CTBP2: variants seen among roughly 807,000 people sequenced by gnomAD.
The protein encoded by CTBP2 is C-terminal binding protein 2, also known as C-terminal-binding protein 2.
CTBP2 carries 30 observed loss-of-function variants against 80.3 expected under a neutral mutation model. The ratio of observed to expected loss-of-function variants is 0.37; its 90% confidence interval spans 0.28 to 0.51. The LOEUF (loss-of-function observed/expected upper bound fraction) is 0.51. Among genes scored for constraint, CTBP2 ranks in the 20% least tolerant of loss-of-function variants. CTBP2 has a pLI of 0.93. For synonymous variants in CTBP2, 594 were observed against 587.4 expected, an observed-to-expected ratio of 1.01 and a Z score of -0.16; for missense variants, 1,212 against 1,375.3, an observed-to-expected ratio of 0.88 and a Z score of 1.88.
chr10:125,109,640 T>A (rs1371855411), intron 2 of CTBP2, among the ~76,000 whole-genome samples: 1 of 152,236 alleles, frequency 6.6e-6, no homozygotes, highest in African/African-American at 2.4e-5. Context: ...CAAAGATGAC[T>A]GAGGGGCCCC....
intron 1 of CTBP2, among the ~76,000 whole-genome samples, chr10:125,016,183 C>T (rs1956465523): frequency 6.6e-6 from 1 of 152,222 alleles, no homozygotes; most frequent in Non-Finnish European, 1.5e-5. Flanking sequence ...TCCCAGTGCC[C>T]CAAGGGACTT....
chr10:125,119,438 A>C (rs1853936420), intron 1 of CTBP2, among the ~76,000 whole-genome samples: 1 of 152,226 alleles, frequency 6.6e-6, no homozygotes, highest in South Asian at 2.1e-4. Flanking sequence ...GCTGGAAACC[A>C]GAGTAGGATA....
At chr10:125,007,251 TC>T (rs2134342448) in intron 1 of CTBP2, among the ~76,000 whole-genome samples, 1 of 152,352 alleles carries the variant, frequency 6.6e-6, no homozygotes, top group East Asian at 1.9e-4. Context: ...TCCCCTGGTA[TC>T]AATTACTATC....
chr10:124,986,986 A>C lies in CTBP2; in HGVS notation c.*2532T>G, dbSNP rs1412851509. On this transcript the variant is annotated 3_prime_UTR_variant, in exon 9 of 9. Coordinates refer to ENST00000309035, the MANE Select transcript of CTBP2 (RefSeq NM_022802.3). ...CTCTATTATTTATTTATTTATTATC[A>C]ATCAGTGACCCTGACCACATAGTGT... 2 of 150,308 alleles carry C rather than the reference A, an allele frequency of 1.3e-5. No homozygotes were observed. Among genetic ancestry groups the C allele is most frequent in the African/African-American group, 5.1e-5 (2 of 39,368 alleles). The allele number at this position is 150,308 out of a possible 1,614,324, so 9.3% of individuals were successfully genotyped here.
chr10:125,007,309 C>T (rs1319294592), intron 1 of CTBP2, among the ~76,000 whole-genome samples: 2 of 152,250 alleles, frequency 1.3e-5, no homozygotes, highest in East Asian at 1.9e-4. Flanking sequence ...CCCCTCCGTC[C>T]GGGATGTGCT....
intron 1 of CTBP2, among the ~76,000 whole-genome samples, chr10:125,023,491 G>A (rs114101150): frequency 0.019 from 2,880 of 152,302 alleles, 94 homozygotes; most frequent in African/African-American, 0.065. Flanking sequence ...CGCAGCCACC[G>A]CCGGAGGGCT....
At chr10:124,990,080 CG>C (rs1952398839) in intron 8 of CTBP2, among the ~76,000 whole-genome samples, 1 of 147,646 alleles carries the variant, frequency 6.8e-6, no homozygotes, top group African/African-American at 2.5e-5. Flanking sequence ...CTCACTCTGT[CG>C]CCAGTCTGGA....
intron 1 of CTBP2, among the ~76,000 whole-genome samples, chr10:125,019,974 G>A (rs532749981): frequency 1.3e-5 from 2 of 152,190 alleles, no homozygotes; most frequent in African/African-American, 4.8e-5. Flanking sequence ...TGTGACTTGT[G>A]GAGCCCCAGG....
chr10:125,027,543 C>G lies in CTBP2; in HGVS notation c.217G>C (p.Glu73Gln). ...GCAGCCACTGAGTTATAAACGGCCT[C>G]CCGGTACAGGTAGGGCTCGGCGGCC... Residue 73 changes from glutamate to glutamine, a missense_variant, in exon 1 of 9, where the codon GAG becomes CAG. By Grantham distance (29) the Glu-to-Gln change is conservative. Transcript: ENST00000309035. The G allele has an allele frequency of 1.2e-6, 2 of 1,614,156 alleles. No homozygotes were observed. Among genetic ancestry groups the G allele is most frequent in the Non-Finnish European group, 1.7e-6 (2 of 1,180,026 alleles).
chr10:125,033,639 G>A (rs1958508622), intron 3 of CTBP2, among the ~76,000 whole-genome samples: 1 of 152,150 alleles, frequency 6.6e-6, no homozygotes, highest in African/African-American at 2.4e-5. Flanking sequence ...CTACCCTGGG[G>A]CCTCCTCCAA....
At chr10:125,029,310 C>A (rs560599976), upstream of CTBP2, among the ~76,000 whole-genome samples, 1 of 147,848 alleles carries the variant, frequency 6.8e-6, no homozygotes, top group African/African-American at 2.5e-5. Context: ...GGCGCGATCT[C>A]GGCTCACTGC....
At chr10:125,050,876 A>G (rs1185231759) in intron 2 of CTBP2, among the ~76,000 whole-genome samples, 1 of 152,166 alleles carries the variant, frequency 6.6e-6, no homozygotes, top group Non-Finnish European at 1.5e-5. Flanking sequence ...GAGAACTGCA[A>G]CCTTGTCATA....
chr10:125,023,857 A>C (rs1469487171), intron 1 of CTBP2, among the ~76,000 whole-genome samples: 6 of 152,204 alleles, frequency 3.9e-5, no homozygotes, highest in African/African-American at 1.4e-4. Context: ...ACCCCACTAT[A>C]AGCAGTGCAA....
chr10:125,114,375 C>T (rs1418159880), intron 1 of CTBP2, among the ~76,000 whole-genome samples: 2 of 152,102 alleles, frequency 1.3e-5, no homozygotes, highest in Non-Finnish European at 2.9e-5. Flanking sequence ...GGTGTGTACT[C>T]TCACACATCC....
intron 2 of CTBP2, among the ~76,000 whole-genome samples, chr10:125,087,054 G>C (rs1448823650): frequency 2.0e-5 from 3 of 150,516 alleles, no homozygotes; most frequent in African/African-American, 7.4e-5. Flanking sequence ...ACCTTGAAAG[G>C]AAAATTTGGG....
At chr10:125,074,553 C>G (rs997121402) in intron 2 of CTBP2, among the ~76,000 whole-genome samples, 1 of 152,146 alleles carries the variant, frequency 6.6e-6, no homozygotes, top group South Asian at 2.1e-4. Context: ...GGGGTTTCAC[C>G]GTGGCTGGTC....
chr10:125,100,548 T>G (rs1222212509), intron 2 of CTBP2: 1 of 152,224 alleles, frequency 6.6e-6, no homozygotes, highest in Non-Finnish European at 1.5e-5. Context: ...TTTAATTTAA[T>G]TTTTAAACAA....
rs202201089 is a variant in CTBP2, at chr10:125,026,508, C to T, written c.1252G>A (p.Ala418Thr). Residue 418 changes from alanine (A) to threonine (T), a missense_variant, in exon 1 of 9, where the codon GCA (alanine) becomes ACA (threonine). Physicochemically the swap from Ala to Thr is moderately conservative, Grantham distance 58. Around this residue, in one of 3 missense-constraint regions of CTBP2, gnomAD observed 848 missense variants for 782.3 expected, o/e 1.08. Transcript: ENST00000309035. ...ACGCCAGGGGCAGAATAGGTGGCTG[C>T]CGTCTCCAGGAGGTGCTGAGATGGT... 1.1e-5 allele frequency: 17 copies of T among 1,597,474 alleles called. No individual in the cohort carries two copies. The Admixed American group carries it at 2.3e-4, about 21-fold the overall frequency.
At position 124,986,198 on chromosome 10, in the gene CTBP2, G is replaced by C. The variant is rs1253616594; in HGVS notation, c.*3320C>G. Reference sequence around the variant, plus strand: ...GGGTAAAAATTTCAGACCTATCTCAGGAACACAGAAATATTTGGTGTCCTG... The same window carrying C: ...GGGTAAAAATTTCAGACCTATCTCACGAACACAGAAATATTTGGTGTCCTG... On this transcript the variant is annotated 3_prime_UTR_variant, in exon 9 of 9. Coordinates refer to ENST00000309035, the MANE Select transcript of CTBP2 (RefSeq NM_022802.3). The C allele has an allele frequency of 6.6e-6, 1 of 151,940 alleles. No individual in the cohort carries two copies. The highest frequency in any genetic ancestry group is 2.4e-5 in the African/African-American group (1 of 41,282). 9.4% of individuals were successfully genotyped at this position (151,940 alleles called of 1,614,324 possible). A position where few individuals can be genotyped will look rare whatever the true frequency, so the allele number is the denominator to read the frequency against.
Sources: gnomAD v4.1 joint callset for allele counts (sites outside exome capture counted in the v4.1 genomes callset) on GRCh38, gnomAD v4.1.1 for gene constraint, gnomAD v4.1.1 regional missense constraint, MANE v1.5 for transcripts, NCBI Gene and HGNC (gene_info 2026-07-23, HGNC 2026-07-21) for gene names.